UBE3B: variants seen among roughly 807,000 people sequenced by gnomAD.
The protein encoded by UBE3B is ubiquitin protein ligase E3B.
Under a neutral mutation model 132.3 loss-of-function variants are expected in UBE3B, and 80 were observed. The ratio of observed to expected loss-of-function variants is 0.60; its 90% CI spans 0.50 to 0.73. The LOEUF (loss-of-function observed/expected upper bound fraction) is 0.73. Among genes scored for constraint, UBE3B ranks in the 30% least tolerant of loss-of-function variants. UBE3B has a pLI of 0.00. For missense variants in UBE3B, 1,196 were observed against 1,362.5 expected (o/e 0.88, Z 1.92); for synonymous variants, 487 against 520.4 (o/e 0.94, Z 0.87).
At chr12:109,517,803 G>A (rs778682295) in intron 19 of UBE3B, 13 of 316,366 alleles carry the variant, frequency 4.1e-5, no homozygotes, top group Non-Finnish European at 8.8e-5. Flanking sequence ...GAAGTATGTG[G>A]CCAGATAGCC....
intron 24 of UBE3B, 67 bp downstream of exon 24, chr12:109,526,483 A>T: frequency 1.4e-6 from 2 of 1,479,126 alleles, no homozygotes; most frequent in Non-Finnish European, 1.9e-6. Flanking sequence ...CTCTGCGCTT[A>T]TGTTGAGAAT....
intron 19 of UBE3B, among the ~76,000 whole-genome samples, chr12:109,518,947 C>T (rs141309827): frequency 1.2e-3 from 179 of 152,224 alleles, no homozygotes; most frequent in Middle Eastern, 0.01. Flanking sequence ...CACAAGGGGG[C>T]GTCAGTAAGC....
Position 109,534,318 on chromosome 12 carries a change from A to G in UBE3B, c.3016-273A>G. On this transcript the variant is annotated intron_variant, in intron 27 of 27. Coordinates refer to ENST00000342494, the MANE Select transcript of UBE3B (RefSeq NM_130466.4). The surrounding 1 kb of genome is among the most constrained non-coding windows in gnomAD (Gnocchi z 5.2). ...ACTTTTTGTCAATTGGTTAACCAGT[A>G]ATTCGCTGTGAACCGGAAGGCCCCA... 7.2e-7 allele frequency: 1 copy of G among 1,397,082 alleles called. No individual in the cohort carries two copies. The allele number at this position is 1,397,082 out of a possible 1,614,324, so 86.5% of individuals were successfully genotyped here.
chr12:109,480,124 C>T lies in UBE3B; in HGVS notation c.-127-1513C>T, dbSNP rs181981505. On this transcript the variant is annotated intron_variant, in intron 1 of 27. Coordinates refer to ENST00000342494, the MANE Select transcript of UBE3B (RefSeq NM_130466.4). ...AAGTTAATGGGTGAGAAATGTCAGACTGCCAGCATTATTTCCTACCCAGAG... is the reference window on the plus strand; with the variant it reads ...AAGTTAATGGGTGAGAAATGTCAGATTGCCAGCATTATTTCCTACCCAGAG... 1.8e-4 allele frequency among the ~76,000 whole-genome samples: 28 copies of T among 151,514 alleles called. No individual in the cohort carries two copies. In the East Asian group the frequency reaches 5.0e-3, roughly 27 times the overall value.
In UBE3B at chr12:109,530,676, TATGC is replaced by T. The variant is rs760954403; in HGVS notation, c.2922+30_2922+33del. 5 of 1,602,526 alleles carry T rather than the reference TATGC, an allele frequency of 3.1e-6. No individual in the cohort carries two copies. Among genetic ancestry groups the T allele is most frequent in the South Asian group, 1.1e-5 (1 of 90,812 alleles). On this transcript the variant is annotated intron_variant, in intron 26 of 27. Transcript: ENST00000342494. ...TTCTGAAGGTATTTTATTTATTACC[TATGC>T]ATGCATGCATGTATTCTCATAAACC...
chr12:109,521,158 A>C lies in UBE3B; in HGVS notation c.2087A>C (p.Glu696Ala), dbSNP rs766669065. 1 of 1,614,148 alleles carries C rather than the reference A, an allele frequency of 6.2e-7. No individual in the cohort carries two copies. Among genetic ancestry groups the C allele is most frequent in the South Asian group, 1.1e-5 (1 of 91,082 alleles). Residue 696 changes from glutamate to alanine, a missense_variant, in exon 20 of 28, where the codon GAG (glutamate) becomes GCG (alanine). Coordinates refer to ENST00000342494, the MANE Select transcript of UBE3B (RefSeq NM_130466.4). This position sits in a 1 kb window ranked among gnomAD's most constrained non-coding sequence, Gnocchi z 4.2. The stretch of plus-strand genomic sequence containing the variant: ...TTCTGCTCTTGGCAGGACGGCTACG[A>C]GCAGCTTAGGCAGCTCTCCCAGCAC... ...RRSRMLEDGY[E>A]QLRQLSQHAM...
chr12:109,534,442 C>G lies in UBE3B; in HGVS notation c.3016-149C>G. 2.8e-6 allele frequency: 4 copies of G among 1,429,444 alleles called. No homozygotes were observed. Among genetic ancestry groups the G allele is most frequent in the Non-Finnish European group, 3.7e-6 (4 of 1,094,344 alleles). 88.5% of individuals were successfully genotyped at this position (1,429,444 alleles called of 1,614,324 possible). On this transcript the variant is annotated intron_variant, in intron 27 of 27. Coordinates refer to ENST00000342494, the MANE Select transcript of UBE3B (RefSeq NM_130466.4). This position sits in a 1 kb window ranked among gnomAD's most constrained non-coding sequence, Gnocchi z 5.2. ...AGTCGTCTTGTGTCTGGGGCTTGAC[C>G]TCGGGTAGTGGTGCCAGGGCAGCGC...
rs368887776 is a variant in UBE3B at position 109,501,418 on chromosome 12, G to C, written c.1166G>C (p.Trp389Ser). 5.0e-6 allele frequency: 8 copies of C among 1,613,872 alleles called. No homozygotes were observed. Among genetic ancestry groups the C allele is most frequent in the South Asian group, 3.3e-5 (3 of 91,072 alleles). ...HLITKQLQFL[W>S]GVPLIRIFFC... ...ATCACCAAACAGCTGCAGTTCTTGT[G>C]GGGGGTGCCTCTGATCCGGATCTTC... The change falls in exon 13 of 28, where the codon TGG becomes TCG. Residue 389 changes from tryptophan to serine, a missense_variant. Transcript: ENST00000342494.
intron 12 of UBE3B, 44 bp downstream of exon 12, chr12:109,499,854 A>G (rs1878737721): frequency 1.4e-6 from 2 of 1,462,096 alleles, no homozygotes; most frequent in Non-Finnish European, 1.8e-6. Flanking sequence ...CCTCTCTCCC[A>G]CCATCTTCTT....
At chr12:109,488,509 A>G (rs1876889651) in intron 6 of UBE3B, 63 bp from the exon 7 acceptor site, 1 of 1,461,150 alleles carries the variant, frequency 6.8e-7, no homozygotes, top group Admixed American at 1.7e-5. Context: ...TTGTAAAGTG[A>G]ACACTTCACT....
chr12:109,521,289 A>G lies in UBE3B; in HGVS notation c.2218A>G (p.Lys740Glu). ...TAAGGAGTTCTTGGAAGAGATCATC[A>G]AGAGAGTTTTTGACCCAGCACTCAA... The part of the protein sequence containing the change: ...VFKEFLEEII[K>E]RVFDPALNLF... Residue 740 changes from lysine to glutamate, a missense_variant, in exon 20 of 28, where the codon AAG (lysine) becomes GAG (glutamate). Transcript: ENST00000342494. This position sits in a 1 kb window ranked among gnomAD's most constrained non-coding sequence, Gnocchi z 4.2. 1 of 1,614,210 alleles carries G rather than the reference A, an allele frequency of 6.2e-7. No homozygotes were observed. Among genetic ancestry groups the G allele is most frequent in the Non-Finnish European group, 8.5e-7 (1 of 1,180,046 alleles).
the UBE3B span, among the ~76,000 whole-genome samples, chr12:109,547,578 A>C: frequency 6.6e-6 from 1 of 152,230 alleles, no homozygotes; most frequent in Non-Finnish European, 1.5e-5. The surrounding 1 kb of genome is among the most constrained non-coding windows in gnomAD (Gnocchi z 4.1). Flanking sequence ...TTATAGGTTT[A>C]GCCACATTCA....
intron 4 of UBE3B, 80 bp downstream of exon 4, chr12:109,484,061 T>G: frequency 1.4e-6 from 2 of 1,433,522 alleles, no homozygotes; most frequent in Non-Finnish European, 1.9e-6. Context: ...TCAGTTCTTA[T>G]AGCAGCTTTA....
At chr12:109,497,051 C>A (rs191972425) in intron 9 of UBE3B, among the ~76,000 whole-genome samples, 1 of 152,030 alleles carries the variant, frequency 6.6e-6, no homozygotes, top group East Asian at 1.9e-4. Context: ...TGGCTCATTT[C>A]ATTATTTTTT....
chr12:109,517,019 A>G, intron 19 of UBE3B, 135 bp downstream of exon 19: 1 of 1,356,772 alleles, frequency 7.4e-7, no homozygotes, highest in Non-Finnish European at 9.8e-7. Context: ...GGGAGCAGGA[A>G]AGGGGTCATT....
intron 6 of UBE3B, among the ~76,000 whole-genome samples, chr12:109,487,348 A>G (rs570253731): frequency 6.6e-6 from 1 of 152,294 alleles, no homozygotes; most frequent in South Asian, 2.1e-4. Flanking sequence ...GCTTATAAGG[A>G]TAGAGAGGTC....
chr12:109,483,845 G>A lies in UBE3B; in HGVS notation c.162-16G>A. 3 of 1,596,990 alleles carry A rather than the reference G, an allele frequency of 1.9e-6. No homozygotes were observed. The highest frequency in any genetic ancestry group is 1.1e-5 in the South Asian group (1 of 88,042). On this transcript the variant is annotated splice_polypyrimidine_tract_variant and intron_variant, in intron 3 of 27. Coordinates refer to ENST00000342494, the MANE Select transcript of UBE3B (RefSeq NM_130466.4). ...CTGTTAATTTAAAATGTCTTTTTTT[G>A]CACTTTCTTTTCTAGGAGAGAGATT...
rs1874591564 is a variant in UBE3B, at chr12:109,477,955, T to A, written c.-282T>A. 6.5e-6 allele frequency: 1 copy of A among 152,938 alleles called. No homozygotes were observed. Among genetic ancestry groups the A allele is most frequent in the Non-Finnish European group, 1.5e-5 (1 of 68,474 alleles). 9.5% of individuals were successfully genotyped at this position (152,938 alleles called of 1,614,324 possible). ...TCCAGGGGCTCTTTCCGCGGCCCTT[T>A]CCACCTCTTTTCACTTTGGGGACGG... is the stretch of plus-strand genomic sequence containing the variant. On this transcript the variant is annotated 5_prime_UTR_variant, in exon 1 of 28. Coordinates refer to ENST00000342494, the MANE Select transcript of UBE3B (RefSeq NM_130466.4).
At chr12:109,533,712 C>A in intron 27 of UBE3B, 154 bp downstream of exon 27, 1 of 872,810 alleles carries the variant, frequency 1.1e-6, no homozygotes, top group Non-Finnish European at 1.9e-6. Context: ...ACAGTTCTCA[C>A]GGCAGGAGAA....
Sources: gnomAD v4.1 joint callset for allele counts (sites outside exome capture counted in the v4.1 genomes callset) on GRCh38, gnomAD v4.1.1 for gene constraint, Gnocchi (gnomAD v3.1) non-coding constraint, MANE v1.5 for transcripts, NCBI Gene and HGNC (gene_info 2026-07-23, HGNC 2026-07-21) for gene names.